ESRRG: variants seen among roughly 807,000 people sequenced by gnomAD.
ESRRG encodes estrogen-related receptor gamma.
A neutral mutation model predicts 44.0 loss-of-function variants in ESRRG; 13 were observed. The observed-to-expected ratio is 0.30, with a 90% CI of 0.19 to 0.47. The LOEUF (loss-of-function observed/expected upper bound fraction) is 0.47. Ranked by LOEUF, ESRRG falls within the 20% of genes least tolerant of loss-of-function variation. ESRRG has a pLI of 1.00. For missense variants in ESRRG, 395 were observed against 580.6 expected (o/e 0.68, Z 3.29); for synonymous variants, 215 against 214.6 (o/e 1.00, Z -0.02).
chr1:216,816,463 T>C (rs1214185239), intron 2 of ESRRG, among the ~76,000 whole-genome samples: 1 of 152,214 alleles, frequency 6.6e-6, no homozygotes, highest in African/African-American at 2.4e-5. Context: ...CATTCCATGA[T>C]GTTGGTTAAA....
chr1:216,775,551 C>CTTTTTTTTTTTTTT (rs71163765), intron 2 of ESRRG, among the ~76,000 whole-genome samples: 5 of 74,834 alleles, frequency 6.7e-5, no homozygotes, highest in East Asian at 3.7e-4. Flanking sequence ...AATGTCACAT[C>CTTTTTTTTTTTTTT]TTTTTTTTTT....
intron 1 of ESRRG, among the ~76,000 whole-genome samples, chr1:217,075,021 G>A (rs1458104444): frequency 1.3e-5 from 2 of 152,086 alleles, no homozygotes; most frequent in African/African-American, 4.8e-5. Flanking sequence ...ATATACCGAA[G>A]CCTAAACATA....
intron 1 of ESRRG, among the ~76,000 whole-genome samples, chr1:216,947,616 G>A (rs1156424850): frequency 6.6e-6 from 1 of 152,162 alleles, no homozygotes; most frequent in Non-Finnish European, 1.5e-5. Context: ...CAAATCAGGT[G>A]AGGTGGTTTT....
intron 1 of ESRRG, among the ~76,000 whole-genome samples, chr1:216,988,987 A>G (rs2075281993): frequency 6.6e-6 from 1 of 152,192 alleles, no homozygotes; most frequent in African/African-American, 2.4e-5. Context: ...TGGGATTACA[A>G]CAATCACACT....
At chr1:217,013,390 A>T (rs1434714579) in intron 1 of ESRRG, among the ~76,000 whole-genome samples, 2 of 152,266 alleles carry the variant, frequency 1.3e-5, no homozygotes, top group Non-Finnish European at 2.9e-5. Context: ...CATGATGTTA[A>T]GTAACAAGTA....
At chr1:216,905,674 A>T (rs991475549) in intron 2 of ESRRG, among the ~76,000 whole-genome samples, 8 of 152,216 alleles carry the variant, frequency 5.3e-5, no homozygotes, top group Admixed American at 5.2e-4. Context: ...AGATTAGTAG[A>T]CTCCAAAAAC....
intron 2 of ESRRG, among the ~76,000 whole-genome samples, chr1:216,773,750 A>G (rs751813694): frequency 2.0e-5 from 3 of 152,114 alleles, no homozygotes; most frequent in Non-Finnish European, 2.9e-5. Context: ...TTTTGAGGCT[A>G]CAACAGATAA....
intron 1 of ESRRG, among the ~76,000 whole-genome samples, chr1:216,978,675 T>C (rs1030383391): frequency 3.9e-5 from 6 of 152,140 alleles, no homozygotes; most frequent in Non-Finnish European, 5.9e-5. Flanking sequence ...ATCTCTTCCA[T>C]GACAGTCAGA....
rs562084622 is a variant in ESRRG, at chr1:216,932,871, T to G, written c.-14+6711A>C. ...GAATGAGCCACCATGTCCAGCCAAT[T>G]TATATAATTTTTTTAGATCCACAGA... On this transcript the variant is annotated intron_variant, in intron 2 of 7. Transcript: ENST00000359162. Among the ~76,000 whole-genome samples the G allele has an allele frequency of 2.6e-5, 4 of 151,922 alleles. No individual in the cohort carries two copies. The East Asian group carries it at 7.8e-4, about 29-fold the overall frequency.
chr1:216,512,148 C>A (rs907710984), intron 6 of ESRRG, among the ~76,000 whole-genome samples: 1 of 152,126 alleles, frequency 6.6e-6, no homozygotes, highest in Non-Finnish European at 1.5e-5. Context: ...AGGTAATGAA[C>A]GTCAACAGTT....
At chr1:216,539,186 C>T (rs890014707) in intron 5 of ESRRG, among the ~76,000 whole-genome samples, 1 of 137,492 alleles carries the variant, frequency 7.3e-6, no homozygotes, top group African/African-American at 2.6e-5. Flanking sequence ...AAAAAGTCAA[C>T]CTGGAGATTT....
intron 3 of ESRRG, among the ~76,000 whole-genome samples, chr1:216,569,853 G>C (rs935978958): frequency 6.6e-6 from 1 of 152,006 alleles, no homozygotes; most frequent in African/African-American, 2.4e-5. Context: ...AATATGCGAC[G>C]GGCTCTGTAA....
At chr1:216,670,811 GA>G (rs1319390486) in intron 2 of ESRRG, among the ~76,000 whole-genome samples, 1 of 152,106 alleles carries the variant, frequency 6.6e-6, no homozygotes, top group East Asian at 1.9e-4. Context: ...ATAGAGGAGA[GA>G]GAAAGAAAGG....
chr1:216,656,093 TTCCAA>T (rs2070463850), intron 2 of ESRRG, among the ~76,000 whole-genome samples: 1 of 152,148 alleles, frequency 6.6e-6, no homozygotes, highest in Non-Finnish European at 1.5e-5. Flanking sequence ...ACGAAAATAT[TTCCAA>T]TAGCAACTAT....
In ESRRG at chr1:216,602,995, T is replaced by C. The variant is rs1051144638; in HGVS notation, c.590-34897A>G. Among the ~76,000 whole-genome samples the C allele has an allele frequency of 2.6e-5, 4 of 152,312 alleles. No individual in the cohort carries two copies. In the South Asian group the frequency reaches 8.3e-4, roughly 32 times the overall value. ...AGATGGAGAGACTCTTTTAATTCAATTGCTATAGATAGCAAAATCTAATAA... is the reference window on the plus strand; with the variant it reads ...AGATGGAGAGACTCTTTTAATTCAACTGCTATAGATAGCAAAATCTAATAA... On this transcript the variant is annotated intron_variant, in intron 3 of 6. Coordinates refer to ENST00000408911, the MANE Select transcript of ESRRG (RefSeq NM_001438.4).
intron 2 of ESRRG, among the ~76,000 whole-genome samples, chr1:216,891,996 G>C (rs895097122): frequency 6.6e-6 from 1 of 151,834 alleles, no homozygotes. Context: ...TAGTAGAGAC[G>C]GAGTTTCACT....
At chr1:216,921,449 C>T (rs939981316) in intron 2 of ESRRG, among the ~76,000 whole-genome samples, 3 of 152,184 alleles carry the variant, frequency 2.0e-5, no homozygotes, top group African/African-American at 7.2e-5. Context: ...GTAAAGGACA[C>T]GTTCCTGACA....
intron 1 of ESRRG, among the ~76,000 whole-genome samples, chr1:216,694,897 A>G (rs2079822732): frequency 6.6e-6 from 1 of 152,108 alleles, no homozygotes; most frequent in African/African-American, 2.4e-5. Context: ...TGGCTCCAGC[A>G]TTTTCCATGT....
At chr1:216,642,768 C>T (rs942194940) in intron 3 of ESRRG, among the ~76,000 whole-genome samples, 15 of 152,066 alleles carry the variant, frequency 9.9e-5, no homozygotes, top group African/African-American at 3.4e-4. Context: ...CTGTTTTTGA[C>T]TTGGCAGCAT....
Sources: gnomAD v4.1 joint callset for allele counts (sites outside exome capture counted in the v4.1 genomes callset) on GRCh38, gnomAD v4.1.1 for gene constraint, MANE v1.5 for transcripts, NCBI Gene and HGNC (gene_info 2026-07-23, HGNC 2026-07-21) for gene names.